CDH12: variants seen among roughly 807,000 people sequenced by gnomAD.
The protein encoded by CDH12 is cadherin 12.
A neutral mutation model predicts 74.1 loss-of-function variants in CDH12; 41 were observed. That is an observed-to-expected ratio of 0.55 (90% CI 0.43 to 0.72). The LOEUF is 0.72. Among genes scored for constraint, CDH12 ranks in the 30% least tolerant of loss-of-function variants. CDH12 has a pLI of 0.00. For synonymous variants in CDH12, 399 were observed against 355.0 expected (o/e 1.12, Z -1.39); for missense variants, 945 against 977.2 (o/e 0.97, Z 0.44).
intron 6 of CDH12, among the ~76,000 whole-genome samples, chr5:21,943,254 G>A (rs1307455344): frequency 6.6e-6 from 1 of 151,658 alleles, no homozygotes; most frequent in Non-Finnish European, 1.5e-5. Flanking sequence ...TTAATACAGA[G>A]AGTCTACACA....
At position 22,626,493 on chromosome 5, in the gene CDH12, C is replaced by T. The variant is rs79007190; in HGVS notation, c.-522-121129G>A. Among the ~76,000 whole-genome samples, 1,374 of 152,258 alleles carry T rather than the reference C, an allele frequency of 9.0e-3. 21 individuals are homozygous for T. Among genetic ancestry groups the T allele is most frequent in the African/African-American group, 0.032 (1,311 of 41,552 alleles). ...CAAGAGTGCAGAGCTGAGGCTTAGC[C>T]CCCTGAAATCTTCCAGAATCAAAGC... On this transcript the variant is annotated intron_variant, in intron 1 of 14. Coordinates refer to ENST00000382254, the MANE Select transcript of CDH12 (RefSeq NM_004061.5).
intron 5 of CDH12, among the ~76,000 whole-genome samples, chr5:21,981,746 A>G (rs1458916488): frequency 1.3e-5 from 2 of 152,188 alleles, no homozygotes; most frequent in East Asian, 1.9e-4. Flanking sequence ...CAGTGGCACA[A>G]TCTCAGCTCA....
At chr5:22,050,145 CT>C (rs1291802335) in intron 5 of CDH12, among the ~76,000 whole-genome samples, 3 of 152,200 alleles carry the variant, frequency 2.0e-5, no homozygotes, top group Non-Finnish European at 4.4e-5. Flanking sequence ...TGCAGCCATA[CT>C]TTCCAGATGG....
intron 1 of CDH12, among the ~76,000 whole-genome samples, chr5:22,785,265 CT>C (rs1478774552): frequency 2.0e-5 from 3 of 152,064 alleles, no homozygotes; most frequent in Admixed American, 1.3e-4. Context: ...GTTATTGCCC[CT>C]GATTATAAAT....
chr5:22,275,640 AT>A (rs1736599862), intron 3 of CDH12, among the ~76,000 whole-genome samples: 1 of 152,180 alleles, frequency 6.6e-6, no homozygotes. Context: ...AGCTTAAATC[AT>A]TTTTTATCCC....
chr5:22,821,932 T>C (rs1217049055), intron 1 of CDH12, among the ~76,000 whole-genome samples: 1 of 151,322 alleles, frequency 6.6e-6, no homozygotes, highest in Non-Finnish European at 1.5e-5. Context: ...AAGTCAATCC[T>C]AAGCCAAAAG....
chr5:22,425,170 T>TATATATATATAA (rs1343972232), intron 2 of CDH12, among the ~76,000 whole-genome samples: 1,805 of 100,622 alleles, frequency 0.018, 24 homozygotes, highest in Non-Finnish European at 0.025. Flanking sequence ...TATATATATA[T>TATATATATATAA]AAATATATAT....
At chr5:21,786,032 A>G (rs1184034095) in intron 10 of CDH12, among the ~76,000 whole-genome samples, 1 of 152,190 alleles carries the variant, frequency 6.6e-6, no homozygotes, top group Non-Finnish European at 1.5e-5. Flanking sequence ...GTTGAAGCCA[A>G]TGTTCATTAA....
intron 8 of CDH12, among the ~76,000 whole-genome samples, chr5:21,824,873 C>T (rs1038328929): frequency 1.3e-5 from 2 of 152,026 alleles, no homozygotes; most frequent in East Asian, 1.9e-4. Flanking sequence ...CAAAATATTG[C>T]CCAGGCACAG....
chr5:21,781,440 C>G (rs1186611322), intron 11 of CDH12, among the ~76,000 whole-genome samples: 2 of 152,048 alleles, frequency 1.3e-5, no homozygotes, highest in Non-Finnish European at 2.9e-5. Context: ...CAGCGGCAAC[C>G]AGACCAGGCA....
intron 1 of CDH12, among the ~76,000 whole-genome samples, chr5:22,761,984 G>A (rs1042578355): frequency 6.6e-6 from 1 of 151,518 alleles, no homozygotes; most frequent in Non-Finnish European, 1.5e-5. Context: ...TGTTATAAAG[G>A]TGCCAATGGT....
At chr5:22,782,357 C>T (rs1264490373) in intron 1 of CDH12, among the ~76,000 whole-genome samples, 2 of 152,004 alleles carry the variant, frequency 1.3e-5, no homozygotes, top group Non-Finnish European at 1.5e-5. Context: ...GGGGTGGTTT[C>T]CCCCGTGCTG....
chr5:22,729,816 A>G (rs1744342120), intron 1 of CDH12, among the ~76,000 whole-genome samples: 1 of 151,856 alleles, frequency 6.6e-6, no homozygotes, highest in African/African-American at 2.4e-5. Context: ...TCAGGTTTCC[A>G]CTGACTTCTA....
chr5:22,357,653 C>T (rs1740621014), intron 3 of CDH12, among the ~76,000 whole-genome samples: 2 of 151,882 alleles, frequency 1.3e-5, no homozygotes, highest in Non-Finnish European at 2.9e-5. Context: ...TCTCTATTCC[C>T]AAGGGGGATA....
At chr5:22,080,229 G>A (rs532674353) in intron 4 of CDH12, among the ~76,000 whole-genome samples, 2 of 152,218 alleles carry the variant, frequency 1.3e-5, no homozygotes, top group Admixed American at 1.3e-4. Flanking sequence ...CTAGTCAGCT[G>A]CAGTTCAGAA....
intron 4 of CDH12, among the ~76,000 whole-genome samples, chr5:22,184,733 C>T (rs1749837046): frequency 6.6e-6 from 1 of 152,194 alleles, no homozygotes; most frequent in Admixed American, 6.5e-5. Flanking sequence ...GTAAGCCAGC[C>T]ATGACCCTTA....
chr5:22,817,298 CATT>C (rs1301146662), intron 1 of CDH12, among the ~76,000 whole-genome samples: 4 of 151,956 alleles, frequency 2.6e-5, no homozygotes, highest in Non-Finnish European at 5.9e-5. Flanking sequence ...ATGTTTCTCA[CATT>C]ATTTACTACT....
At chr5:22,807,084 T>C (rs566561211) in intron 1 of CDH12, among the ~76,000 whole-genome samples, 1 of 152,322 alleles carries the variant, frequency 6.6e-6, no homozygotes, top group South Asian at 2.1e-4. Flanking sequence ...TAGATTTTCT[T>C]GTAGGGTTTT....
At chr5:22,621,816 C>T (rs1206871475) in intron 1 of CDH12, among the ~76,000 whole-genome samples, 5 of 151,920 alleles carry the variant, frequency 3.3e-5, no homozygotes, top group Non-Finnish European at 7.4e-5. Flanking sequence ...GTGAATGATT[C>T]TATAGCTGGT....
Sources: gnomAD v4.1 joint callset for allele counts (sites outside exome capture counted in the v4.1 genomes callset) on GRCh38, gnomAD v4.1.1 for gene constraint, MANE v1.5 for transcripts, NCBI Gene and HGNC (gene_info 2026-07-23, HGNC 2026-07-21) for gene names.